The following PABPC4L variants were observed in gnomAD, a reference collection of about 807,000 sequenced individuals.
The protein encoded by PABPC4L is polyadenylate-binding protein 4-like.
For missense variants in PABPC4L, 452 were observed against 451.4 expected, an observed-to-expected ratio of 1.00 and a Z score of -0.01; for synonymous variants, 169 against 164.1, an observed-to-expected ratio of 1.03 and a Z score of -0.23.
At chr4:134,041,697 A>T in the PABPC4L span, among the ~76,000 whole-genome samples, 1 of 152,080 alleles carries the variant, frequency 6.6e-6, no homozygotes, top group Non-Finnish European at 1.5e-5. Context: ...TGTGCTCTCC[A>T]GAACTTATAG....
the PABPC4L span, among the ~76,000 whole-genome samples, chr4:134,103,359 A>T: frequency 6.6e-6 from 1 of 151,456 alleles, no homozygotes; most frequent in Non-Finnish European, 1.5e-5. Flanking sequence ...AAAAATAGAA[A>T]TTTTCTTACA....
chr4:134,062,429 T>G, the PABPC4L span, among the ~76,000 whole-genome samples: 1 of 152,020 alleles, frequency 6.6e-6, no homozygotes, highest in African/African-American at 2.4e-5. Flanking sequence ...GCACAATCCT[T>G]CTTTTGCCTT....
At chr4:133,988,619 G>C in the PABPC4L span, among the ~76,000 whole-genome samples, 1 of 152,222 alleles carries the variant, frequency 6.6e-6, no homozygotes, top group African/African-American at 2.4e-5. Flanking sequence ...AAGTCTCCTG[G>C]CTGCTTTCAC....
Position 134,200,105 on chromosome 4 carries a change from A to G in PABPC4L, c.915T>C (p.Asp305=). Residue 305 remains aspartate, a synonymous_variant, in exon 2 of 2, where the codon GAT becomes GAC. Coordinates refer to ENST00000421491, the MANE Select transcript of PABPC4L (RefSeq NM_001114734.2). ...LYIKNLDDTI[D]DEKLRNEFSS... ...AAAATTCGTTTCGTAGTTTTTCATC[A>G]TCGATGGTGTCATCAAGGTTCTTAA... 2 of 1,551,662 alleles carry G rather than the reference A, an allele frequency of 1.3e-6. No homozygotes were observed. The highest frequency in any genetic ancestry group is 1.7e-6 in the Non-Finnish European group (2 of 1,146,962).
chr4:133,978,578 G>A, the PABPC4L span, among the ~76,000 whole-genome samples: 1 of 151,794 alleles, frequency 6.6e-6, no homozygotes, highest in Non-Finnish European at 1.5e-5. Flanking sequence ...TGTGTGTGTT[G>A]TGTGTATCTC....
chr4:134,131,189 CA>C, the PABPC4L span, among the ~76,000 whole-genome samples: 11 of 151,938 alleles, frequency 7.2e-5, no homozygotes, highest in Admixed American at 6.6e-4. Flanking sequence ...AAGTCTTAAC[CA>C]GGGCAATCAG....
the PABPC4L span, among the ~76,000 whole-genome samples, chr4:133,982,503 C>T: frequency 2.0e-4 from 30 of 152,016 alleles, no homozygotes; most frequent in African/African-American, 7.2e-4. Context: ...ATGGTGAATT[C>T]TTTTTGCAGT....
At chr4:133,964,911 A>G in the PABPC4L span, among the ~76,000 whole-genome samples, 1 of 152,160 alleles carries the variant, frequency 6.6e-6, no homozygotes, top group Non-Finnish European at 1.5e-5. Flanking sequence ...CTGGAACAAG[A>G]CAAGGATACT....
At chr4:134,030,526 G>A in the PABPC4L span, among the ~76,000 whole-genome samples, 1 of 151,788 alleles carries the variant, frequency 6.6e-6, no homozygotes, top group Non-Finnish European at 1.5e-5. Context: ...ATAAAAACCA[G>A]GTCTAATATT....
chr4:134,105,410 G>T, the PABPC4L span, among the ~76,000 whole-genome samples: 1 of 151,322 alleles, frequency 6.6e-6, no homozygotes, highest in African/African-American at 2.4e-5. Context: ...AAAATAATAG[G>T]TGTATTAATA....
chr4:134,127,586 T>C, the PABPC4L span, among the ~76,000 whole-genome samples: 9 of 151,990 alleles, frequency 5.9e-5, no homozygotes, highest in Admixed American at 5.9e-4. Flanking sequence ...GGAAGCCCCA[T>C]CCCTAGGGAA....
the PABPC4L span, among the ~76,000 whole-genome samples, chr4:134,054,811 C>A: frequency 6.6e-6 from 1 of 151,934 alleles, no homozygotes; most frequent in African/African-American, 2.4e-5. Flanking sequence ...CTAGACTGTA[C>A]AAATAAAGGT....
At chr4:134,135,039 A>G in the PABPC4L span, among the ~76,000 whole-genome samples, 1 of 152,160 alleles carries the variant, frequency 6.6e-6, no homozygotes, top group Non-Finnish European at 1.5e-5. Flanking sequence ...GAACTAGCGA[A>G]TTAATACATA....
chr4:133,982,137 A>G, the PABPC4L span, among the ~76,000 whole-genome samples: 812 of 152,194 alleles, frequency 5.3e-3, 8 homozygotes, highest in African/African-American at 0.019. Context: ...ACTACTTCCT[A>G]TAAAAACGTA....
the PABPC4L span, among the ~76,000 whole-genome samples, chr4:133,987,551 T>C: frequency 5.6e-4 from 85 of 152,232 alleles, no homozygotes; most frequent in African/African-American, 1.7e-3. Flanking sequence ...AAAAATAATA[T>C]AAACATATCT....
the PABPC4L span, among the ~76,000 whole-genome samples, chr4:134,096,752 C>G: frequency 1.3e-5 from 2 of 151,838 alleles, no homozygotes; most frequent in Admixed American, 1.3e-4. Flanking sequence ...AATAAATGTC[C>G]AGTCAATAGA....
At chr4:133,952,399 G>GC in the PABPC4L span, among the ~76,000 whole-genome samples, 580 of 152,146 alleles carry the variant, frequency 3.8e-3, 3 homozygotes, top group African/African-American at 0.014. Context: ...AGGCCATAGG[G>GC]GTCAGGCACC....
chr4:133,997,010 G>C, the PABPC4L span, among the ~76,000 whole-genome samples: 1 of 152,132 alleles, frequency 6.6e-6, no homozygotes, highest in Admixed American at 6.6e-5. Flanking sequence ...ACAATCAGCT[G>C]CCTTCAGCTT....
the PABPC4L span, among the ~76,000 whole-genome samples, chr4:134,106,906 T>A: frequency 5.9e-5 from 9 of 151,574 alleles, no homozygotes; most frequent in African/African-American, 2.2e-4. Context: ...GGGCCATTTT[T>A]AACCTATTTA....
Sources: allele counts gnomAD v4.1 joint callset (sites outside exome capture counted in the v4.1 genomes callset), GRCh38; gene constraint gnomAD v4.1.1; transcripts MANE v1.5; gene names NCBI Gene and HGNC (gene_info 2026-07-23, HGNC 2026-07-21).